SAMSN1: variants seen among roughly 807,000 people sequenced by gnomAD.
SAMSN1 encodes SAM domain, SH3 domain and nuclear localization signals 1.
SAMSN1 carries 31 observed loss-of-function variants against 42.0 expected under a neutral mutation model. The ratio of observed to expected loss-of-function variants is 0.74; its 90% CI spans 0.55 to 1.00. The LOEUF is 1.00. SAMSN1 is among the 50% of genes least tolerant of loss of function. SAMSN1 has a pLI of 0.00. For missense variants in SAMSN1, 464 were observed against 439.4 expected (o/e 1.06, Z -0.50); for synonymous variants, 178 against 151.9 (o/e 1.17, Z -1.26).
intron 2 of SAMSN1, among the ~76,000 whole-genome samples, chr21:14,553,499 C>T (rs748059329): frequency 1.3e-5 from 2 of 152,050 alleles, no homozygotes; most frequent in East Asian, 1.9e-4. Context: ...AGTTGTTCTC[C>T]GTTGAGGATA....
rs188155259 is a variant in SAMSN1 at position 14,653,939 on chromosome 21, G to A, written c.24+4809C>T. Among the ~76,000 whole-genome samples the A allele has an allele frequency of 3.2e-3, 486 of 151,906 alleles. 2 individuals carry two copies. The highest frequency in any genetic ancestry group is 5.2e-3 in the Non-Finnish European group (355 of 67,880). ...ATAGCAAAAATATTTTACAAGTACA[G>A]TCAAGAAATTAATATTAATGTTTAG... is the stretch of plus-strand genomic sequence containing the variant. On this transcript the variant is annotated intron_variant, in intron 1 of 15. Coordinates refer to the SAMSN1 transcript ENST00000647101.
chr21:14,593,656 A>C (rs192061604), intron 7 of SAMSN1: 1 of 170,662 alleles, frequency 5.9e-6, no homozygotes, highest in East Asian at 1.6e-4. Context: ...GCAATGCTAT[A>C]ATGATGTACA....
exon 5 of SAMSN1, chr21:14,609,534 T>C: frequency 1.4e-6 from 1 of 718,098 alleles, no homozygotes; most frequent in Middle Eastern, 2.3e-4. Context: ...GCTTGCTGTG[T>C]TCCTGCCAGA....
chr21:14,521,341 A>G (rs1296771887), intron 1 of SAMSN1, 120 bp from the exon 2 acceptor site: 1 of 620,514 alleles, frequency 1.6e-6, no homozygotes, highest in African/African-American at 1.9e-5. Context: ...GGCTTTAAAA[A>G]GCTCTTCTCT....
At chr21:14,555,173 T>C (rs1337577787) in intron 2 of SAMSN1, among the ~76,000 whole-genome samples, 2 of 152,194 alleles carry the variant, frequency 1.3e-5, no homozygotes, top group Non-Finnish European at 2.9e-5. Flanking sequence ...TGATGCACAC[T>C]GACTCATTTC....
At chr21:14,503,460 C>T (rs1161942006) in intron 5 of SAMSN1, among the ~76,000 whole-genome samples, 3 of 152,286 alleles carry the variant, frequency 2.0e-5, no homozygotes, top group South Asian at 4.1e-4. Context: ...GGTGAGATCA[C>T]AGCTTTCTTA....
intron 2 of SAMSN1, among the ~76,000 whole-genome samples, chr21:14,579,543 G>C (rs571846164): frequency 2.6e-5 from 4 of 151,520 alleles, no homozygotes; most frequent in Non-Finnish European, 5.9e-5. Context: ...TGGAAACAAA[G>C]TCCATTGGTT....
intron 2 of SAMSN1, chr21:14,616,023 A>C (rs1310158693): frequency 1.7e-6 from 1 of 588,904 alleles, no homozygotes; most frequent in Non-Finnish European, 3.1e-6. Flanking sequence ...CTCCCTGTAA[A>C]ATAAAATAAA....
At position 14,619,601 on chromosome 21, in the gene SAMSN1, C is replaced by T. The variant is rs191867967; in HGVS notation, c.157-3585G>A. The T allele has an allele frequency of 1.7e-3, 412 of 244,552 alleles. 2 individuals carry two copies. Among genetic ancestry groups the T allele is most frequent in the Non-Finnish European group, 1.7e-3 (180 of 108,368 alleles). The allele number at this position is 244,552 out of a possible 1,614,324, so 15.1% of individuals were successfully genotyped here. ...TCAACAAACACTTATTGAACATCTA[C>T]TATGTACCAGACACTGTTGTAGGGG... is the stretch of plus-strand genomic sequence containing the variant. On this transcript the variant is annotated intron_variant, in intron 2 of 15. Transcript: ENST00000647101.
chr21:14,577,240 A>ATG (rs1981509711), intron 2 of SAMSN1, among the ~76,000 whole-genome samples: 1 of 11,588 alleles, frequency 8.6e-5, no homozygotes, highest in South Asian at 3.3e-3. Flanking sequence ...ATATGTGTGT[A>ATG]TATATATATA....
In SAMSN1 at chr21:14,602,278, T is replaced by G. The variant is rs1982457819; in HGVS notation, c.323-179A>C. Among the ~76,000 whole-genome samples, 4 of 152,054 alleles carry G rather than the reference T, an allele frequency of 2.6e-5. No individual in the cohort carries two copies. In the South Asian group the frequency reaches 8.3e-4, roughly 32 times the overall value. ...TTCTTTTTTTTTAACAAGAAACAGA[T>G]CAAAATAAAATAGAAATTTAACAAA... On this transcript the variant is annotated intron_variant, in intron 5 of 15. Coordinates refer to the SAMSN1 transcript ENST00000647101.
At chr21:14,523,747 TGGGTCCTGTTGCACA>T (rs1249916570) in intron 1 of SAMSN1, among the ~76,000 whole-genome samples, 5 of 152,144 alleles carry the variant, frequency 3.3e-5, no homozygotes, top group African/African-American at 9.7e-5. Context: ...AATGGGATAA[TGGGTCCTGTTGCACA>T]GGAGGGCACA....
chr21:14,638,510 T>C (rs13052009), intron 2 of SAMSN1, among the ~76,000 whole-genome samples: 2 of 152,208 alleles, frequency 1.3e-5, no homozygotes, highest in Non-Finnish European at 2.9e-5. Flanking sequence ...ACAGTTTCTA[T>C]TGCATTCTAC....
At chr21:14,608,398 A>G (rs1054190005) in intron 5 of SAMSN1, among the ~76,000 whole-genome samples, 1 of 152,180 alleles carries the variant, frequency 6.6e-6, no homozygotes, top group Admixed American at 6.5e-5. Context: ...TCAGCTGTCC[A>G]CTACAGGGGG....
At position 14,563,099 on chromosome 21, in the gene SAMSN1, A is replaced by G. The variant is rs182767794; in HGVS notation, c.261+19037T>C. ...CAAGTCATATATCTTTACTGAAATG[A>G]CCAGATTCACTAGAGAGCAAGGAGA... On this transcript the variant is annotated intron_variant, in intron 2 of 8. Coordinates refer to the SAMSN1 transcript ENST00000285670. Among the ~76,000 whole-genome samples, 568 of 152,312 alleles carry G rather than the reference A, an allele frequency of 3.7e-3. 3 individuals are homozygous for G. The highest frequency in any genetic ancestry group is 5.4e-3 in the Non-Finnish European group (369 of 68,020).
At chr21:14,515,860 A>T (rs1324039354) in intron 3 of SAMSN1, among the ~76,000 whole-genome samples, 1 of 152,254 alleles carries the variant, frequency 6.6e-6, no homozygotes, top group Admixed American at 6.5e-5. Context: ...CTCCACAAAG[A>T]TAGATAAATG....
chr21:14,536,606 G>A (rs1019915528), intron 1 of SAMSN1, among the ~76,000 whole-genome samples: 2 of 152,204 alleles, frequency 1.3e-5, no homozygotes, highest in Non-Finnish European at 2.9e-5. Context: ...TGTTTGGAGA[G>A]AAGTGGTCAA....
At chr21:14,556,003 A>G (rs947544771) in intron 2 of SAMSN1, among the ~76,000 whole-genome samples, 16 of 152,218 alleles carry the variant, frequency 1.1e-4, no homozygotes, top group African/African-American at 3.6e-4. Flanking sequence ...TGTACTGATC[A>G]ATAGACCATG....
chr21:14,643,706 A>T (rs941653303), intron 1 of SAMSN1, among the ~76,000 whole-genome samples: 1 of 152,214 alleles, frequency 6.6e-6, no homozygotes, highest in Non-Finnish European at 1.5e-5. Flanking sequence ...CCTCATAAGA[A>T]TCAAAATTCA....
Sources: gnomAD v4.1 joint callset for allele counts (sites outside exome capture counted in the v4.1 genomes callset) on GRCh38, gnomAD v4.1.1 for gene constraint, MANE v1.5 for transcripts, NCBI Gene and HGNC (gene_info 2026-07-23, HGNC 2026-07-21) for gene names.